The following TAS2R1 variants were observed in gnomAD, a reference collection of about 807,000 sequenced individuals.
TAS2R1 encodes taste receptor type 2 member 1.
For synonymous variants in TAS2R1, 141 were observed against 134.2 expected (o/e 1.05, Z -0.35); for missense variants, 370 against 353.4 (o/e 1.05, Z -0.38).
chr5:9,731,138 C>A, the TAS2R1 span, among the ~76,000 whole-genome samples: 14 of 152,122 alleles, frequency 9.2e-5, no homozygotes, highest in Admixed American at 8.5e-4. Flanking sequence ...ACCTCCCCTC[C>A]CTGACCTGCT....
the TAS2R1 span, among the ~76,000 whole-genome samples, chr5:9,892,212 G>A: frequency 4.1e-3 from 621 of 152,270 alleles, 2 homozygotes; most frequent in South Asian, 0.023. Flanking sequence ...AGATATCAAA[G>A]CAGAAGGGCC....
At chr5:9,893,856 G>A in the TAS2R1 span, among the ~76,000 whole-genome samples, 1 of 152,196 alleles carries the variant, frequency 6.6e-6, no homozygotes, top group African/African-American at 2.4e-5. Flanking sequence ...TGCTCAGGTG[G>A]TCAAAGATTG....
At chr5:9,818,459 A>G in the TAS2R1 span, among the ~76,000 whole-genome samples, 1 of 152,154 alleles carries the variant, frequency 6.6e-6, no homozygotes, top group African/African-American at 2.4e-5. Flanking sequence ...TTAGTGGCTT[A>G]AGGCAACCAC....
chr5:9,640,933 A>G (rs576531993), intron 2 of TAS2R1, among the ~76,000 whole-genome samples: 69 of 152,328 alleles, frequency 4.5e-4, no homozygotes, highest in Non-Finnish European at 7.3e-4. Context: ...AACCCAGACC[A>G]TGACACCAGC....
the TAS2R1 span, among the ~76,000 whole-genome samples, chr5:9,782,298 T>C: frequency 2.0e-5 from 3 of 152,262 alleles, no homozygotes; most frequent in Non-Finnish European, 4.4e-5. Context: ...CAAGGTTCAC[T>C]GTGCTGGGAT....
At chr5:9,811,476 T>C in the TAS2R1 span, among the ~76,000 whole-genome samples, 134 of 152,276 alleles carry the variant, frequency 8.8e-4, no homozygotes, top group Non-Finnish European at 1.6e-3. Context: ...GGACAAAATA[T>C]GTAAGCTCAA....
At chr5:9,901,585 A>G in the TAS2R1 span, among the ~76,000 whole-genome samples, 2 of 152,070 alleles carry the variant, frequency 1.3e-5, no homozygotes, top group Non-Finnish European at 2.9e-5. Context: ...AAAGCTTTGT[A>G]AAAGGAAGTG....
At chr5:9,687,429 T>C (rs75037567) in intron 1 of TAS2R1, among the ~76,000 whole-genome samples, 2,389 of 152,292 alleles carry the variant, frequency 0.016, 63 homozygotes, top group African/African-American at 0.054. Context: ...GTGTGAGGTG[T>C]TGGGGCTCAG....
At chr5:9,856,818 G>A in the TAS2R1 span, among the ~76,000 whole-genome samples, 5 of 152,172 alleles carry the variant, frequency 3.3e-5, no homozygotes, top group Admixed American at 6.5e-5. Context: ...GTATTTCAAA[G>A]AGATATCTGC....
At chr5:9,760,686 G>A in the TAS2R1 span, among the ~76,000 whole-genome samples, 1 of 152,134 alleles carries the variant, frequency 6.6e-6, no homozygotes, top group Non-Finnish European at 1.5e-5. Context: ...GATAAAGGAA[G>A]CTTCTCAACT....
intron 1 of TAS2R1, among the ~76,000 whole-genome samples, chr5:9,696,563 A>AAAAATAAAAT (rs1193233921): frequency 6.6e-6 from 1 of 152,106 alleles, no homozygotes; most frequent in Non-Finnish European, 1.5e-5. Context: ...TGCCATCTCA[A>AAAAATAAAAT]AAAATAAAAT....
chr5:9,843,586 C>T, the TAS2R1 span, among the ~76,000 whole-genome samples: 1 of 152,192 alleles, frequency 6.6e-6, no homozygotes, highest in Non-Finnish European at 1.5e-5. Flanking sequence ...TAAAACCAAA[C>T]AAGTTTACTA....
the TAS2R1 span, among the ~76,000 whole-genome samples, chr5:9,878,082 C>T: frequency 2.0e-5 from 3 of 152,150 alleles, no homozygotes; most frequent in Admixed American, 1.3e-4. Context: ...AGCATTTTGA[C>T]TGCTATGTGT....
At chr5:9,885,920 T>A in the TAS2R1 span, among the ~76,000 whole-genome samples, 2 of 152,018 alleles carry the variant, frequency 1.3e-5, no homozygotes, top group African/African-American at 4.8e-5. Flanking sequence ...GAAACTTCAA[T>A]AAAATTATTA....
the TAS2R1 span, among the ~76,000 whole-genome samples, chr5:9,728,621 T>C: frequency 6.6e-6 from 1 of 152,204 alleles, no homozygotes. Context: ...ATGTAAATAG[T>C]TCATGGGGGA....
At chr5:9,902,539 A>G in the TAS2R1 span, 3 of 152,190 alleles carry the variant, frequency 2.0e-5, no homozygotes, top group East Asian at 5.8e-4. Flanking sequence ...CAAAAGCTAA[A>G]CAAATGGAAA....
chr5:9,804,360 C>T, the TAS2R1 span, among the ~76,000 whole-genome samples: 1 of 152,082 alleles, frequency 6.6e-6, no homozygotes, highest in Non-Finnish European at 1.5e-5. Context: ...AACAAAGAAA[C>T]AATGGACTTA....
the TAS2R1 span, among the ~76,000 whole-genome samples, chr5:9,719,694 C>G: frequency 1.3e-5 from 2 of 151,754 alleles, no homozygotes; most frequent in Admixed American, 1.3e-4. Context: ...TTTGGGAGGC[C>G]GAGGCGGGCG....
the TAS2R1 span, among the ~76,000 whole-genome samples, chr5:9,880,828 G>C: frequency 4.6e-5 from 7 of 152,164 alleles, no homozygotes; most frequent in Non-Finnish European, 1.5e-5. Flanking sequence ...TTGTAGACAA[G>C]AAGAAGCCCA....
Sources: allele counts gnomAD v4.1 joint callset (sites outside exome capture counted in the v4.1 genomes callset), GRCh38; gene constraint gnomAD v4.1.1; transcripts MANE v1.5; gene names NCBI Gene and HGNC (gene_info 2026-07-23, HGNC 2026-07-21).